Variants in INTU observed in about 807,000 individuals in gnomAD.
The protein encoded by INTU is protein inturned.
In INTU, 68 loss-of-function variants were observed where a neutral mutation model predicts 100.5. That is an observed-to-expected ratio of 0.68 (90% CI 0.56 to 0.83). INTU has a LOEUF of 0.83. Ranked by LOEUF, INTU falls within the 40% of genes least tolerant of loss-of-function variation. The pLI, the probability that INTU is intolerant of heterozygous loss-of-function variation, is 0.00. For missense variants in INTU, 1,071 were observed against 1,114.7 expected (o/e 0.96, Z 0.56); for synonymous variants, 357 against 395.7 (o/e 0.90, Z 1.16).
chr4:127,671,873 G>A (rs1728945527), intron 5 of INTU, among the ~76,000 whole-genome samples: 1 of 152,030 alleles, frequency 6.6e-6, no homozygotes, highest in African/African-American at 2.4e-5. Context: ...TAGAACTGGA[G>A]GCCATTATCT....
intron 13 of INTU, 100 bp from the exon 14 acceptor site, chr4:127,710,813 A>G: frequency 1.6e-6 from 1 of 634,596 alleles, no homozygotes; most frequent in Non-Finnish European, 2.4e-6. Context: ...TATATTGTAG[A>G]TAAAAGCTTA....
chr4:127,672,368 G>A lies in INTU; in HGVS notation c.1092-1756G>A, dbSNP rs562218200. Among the ~76,000 whole-genome samples the A allele has an allele frequency of 2.0e-5, 3 of 151,876 alleles. No individual in the cohort carries two copies. The South Asian group carries it at 6.2e-4, about 32-fold the overall frequency. ...ATATGAATGGAATCATATAATGTGT[G>A]GCTATTTGTGACTGGCTTCTTTCAT... On this transcript the variant is annotated intron_variant, in intron 5 of 15. Coordinates refer to ENST00000335251, the MANE Select transcript of INTU (RefSeq NM_015693.4).
rs371819077 is a variant in INTU at position 127,659,518 on chromosome 4, C to T, written c.768+2797C>T. ...AATGTTGATTTAAAGAAGAGGTTTT[C>T]GAAATTTTAAATAACAAGAACAAAG... On this transcript the variant is annotated intron_variant, in intron 3 of 15. Coordinates refer to ENST00000335251, the MANE Select transcript of INTU (RefSeq NM_015693.4). Among the ~76,000 whole-genome samples the T allele has an allele frequency of 1.2e-4, 19 of 152,246 alleles. No individual in the cohort carries two copies. The East Asian group carries it at 2.7e-3, about 22-fold the overall frequency.
intron 6 of INTU, among the ~76,000 whole-genome samples, chr4:127,679,277 G>A (rs1228557599): frequency 2.6e-5 from 4 of 151,768 alleles, no homozygotes; most frequent in Non-Finnish European, 4.4e-5. Flanking sequence ...CAGAACTCTC[G>A]ACCCCAAATC....
chr4:127,641,000 T>C (rs1727305760), intron 1 of INTU, among the ~76,000 whole-genome samples: 1 of 122,514 alleles, frequency 8.2e-6, no homozygotes, highest in Non-Finnish European at 1.7e-5. Context: ...AGAAATCTAG[T>C]CAACATGAAT....
chr4:127,658,317 C>T (rs914652708), intron 3 of INTU, among the ~76,000 whole-genome samples: 1 of 151,092 alleles, frequency 6.6e-6, no homozygotes, highest in Non-Finnish European at 1.5e-5. Context: ...GAATGGATAG[C>T]GAGATGGAGA....
intron 4 of INTU, among the ~76,000 whole-genome samples, chr4:127,667,577 G>A (rs1728751221): frequency 1.3e-5 from 2 of 151,996 alleles, no homozygotes; most frequent in South Asian, 4.1e-4. Flanking sequence ...TGGAGATTTC[G>A]AAAAACTATT....
At chr4:127,687,931 C>CT in intron 8 of INTU, 64 bp downstream of exon 8, 3 of 1,103,812 alleles carry the variant, frequency 2.7e-6, no homozygotes, top group Middle Eastern at 2.7e-4. Flanking sequence ...TGTATCTTCT[C>CT]TTTTTTTCGT....
chr4:127,723,539 AC>A lies in INTU; in HGVS notation c.*7104del, dbSNP rs1560626087. The A allele has an allele frequency of 1.3e-5, 2 of 150,886 alleles. No homozygotes were observed. Among genetic ancestry groups the A allele is most frequent in the African/African-American group, 2.4e-5 (1 of 40,996 alleles). 9.3% of individuals were successfully genotyped at this position (150,886 alleles called of 1,614,324 possible). ...AGGGGGAAAGATGAAAATTAAACTT[AC>A]TTTTTATTTATTTGATTCTCTTTAA... On this transcript the variant is annotated 3_prime_UTR_variant, in exon 16 of 16. Coordinates refer to ENST00000335251, the MANE Select transcript of INTU (RefSeq NM_015693.4).
chr4:127,680,493 A>G (rs1298246567), intron 6 of INTU, among the ~76,000 whole-genome samples: 6 of 122,638 alleles, frequency 4.9e-5, no homozygotes, highest in African/African-American at 1.6e-4. Flanking sequence ...AACAGAGCCA[A>G]AGACAAAAAC....
chr4:127,642,037 T>A (rs1225197942), intron 1 of INTU, among the ~76,000 whole-genome samples: 1 of 151,494 alleles, frequency 6.6e-6, no homozygotes, highest in East Asian at 1.9e-4. Flanking sequence ...TTTTTTAAAT[T>A]GATACATATG....
In INTU at chr4:127,659,920, C is replaced by T. The variant is rs147008436; in HGVS notation, c.768+3199C>T. On this transcript the variant is annotated intron_variant, in intron 3 of 15. Coordinates refer to ENST00000335251, the MANE Select transcript of INTU (RefSeq NM_015693.4). ...ATTTCCTTGTTACACAGAAATGATA[C>T]ATATACTGTGGAAAAATTAGAAAAC... Among the ~76,000 whole-genome samples, 298 of 152,242 alleles carry T rather than the reference C, an allele frequency of 2.0e-3. 1 individual carries two copies. The highest frequency in any genetic ancestry group is 6.9e-3 in the African/African-American group (288 of 41,528).
chr4:127,689,277 C>T (rs992503919), intron 8 of INTU, among the ~76,000 whole-genome samples: 1 of 152,152 alleles, frequency 6.6e-6, no homozygotes, highest in East Asian at 1.9e-4. Flanking sequence ...GCCATGGCAC[C>T]TGGCCTACCA....
At position 127,663,300 on chromosome 4, in the gene INTU, A is replaced by G. The variant is rs1251292958; in HGVS notation, c.769-81A>G. On this transcript the variant is annotated intron_variant, in intron 3 of 15. Transcript: ENST00000335251. Reference sequence around the variant, plus strand: ...ATACTGTACATACCTGGGTGTATGTACATGCACAGATCCTTCATTGTGAAA... The same window carrying G: ...ATACTGTACATACCTGGGTGTATGTGCATGCACAGATCCTTCATTGTGAAA... 22 of 967,818 alleles carry G rather than the reference A, an allele frequency of 2.3e-5. No individual in the cohort carries two copies. The East Asian group carries it at 4.2e-4, about 18-fold the overall frequency. 60.0% of individuals were successfully genotyped at this position (967,818 alleles called of 1,614,324 possible).
rs1016789865 is a variant in INTU at position 127,718,910 on chromosome 4, T to C, written c.*2474T>C. The C allele has an allele frequency of 6.6e-6, 1 of 152,198 alleles. No homozygotes were observed. Among genetic ancestry groups the C allele is most frequent in the Non-Finnish European group, 1.5e-5 (1 of 68,038 alleles). 9.4% of individuals were successfully genotyped at this position (152,198 alleles called of 1,614,324 possible). The stretch of plus-strand genomic sequence containing the variant: ...CTGAGACAATGGGGTTTTCTAGATA[T>C]AGGATAATGTCCTCTGCAAACAAAG... On this transcript the variant is annotated 3_prime_UTR_variant, in exon 16 of 16. Transcript: ENST00000335251.
At chr4:127,681,610 G>A (rs1729555375) in intron 6 of INTU, among the ~76,000 whole-genome samples, 1 of 152,152 alleles carries the variant, frequency 6.6e-6, no homozygotes, top group Non-Finnish European at 1.5e-5. Context: ...ATTCAAGATG[G>A]ATTAAAGACT....
At chr4:127,702,799 C>G (rs905270938) in intron 9 of INTU, among the ~76,000 whole-genome samples, 1 of 152,114 alleles carries the variant, frequency 6.6e-6, no homozygotes, top group Non-Finnish European at 1.5e-5. Flanking sequence ...CGACCCCTCT[C>G]CATACCCCCA....
chr4:127,668,301 T>C (rs1728782849), intron 4 of INTU, among the ~76,000 whole-genome samples: 1 of 152,014 alleles, frequency 6.6e-6, no homozygotes, highest in African/African-American at 2.4e-5. Flanking sequence ...TCCCGGGACA[T>C]GCTCTTCTTG....
intron 2 of INTU, among the ~76,000 whole-genome samples, chr4:127,644,827 T>C (rs1181194385): frequency 6.6e-6 from 1 of 152,254 alleles, no homozygotes; most frequent in East Asian, 1.9e-4. Context: ...CATAAGAGGT[T>C]TAAATGAAGA....
Sources: gnomAD v4.1 joint callset for allele counts (sites outside exome capture counted in the v4.1 genomes callset) on GRCh38, gnomAD v4.1.1 for gene constraint, MANE v1.5 for transcripts, NCBI Gene and HGNC (gene_info 2026-07-23, HGNC 2026-07-21) for gene names.